The following DPYSL5 variants were observed in gnomAD, a reference collection of about 807,000 sequenced individuals.
The protein encoded by DPYSL5 is dihydropyrimidinase like 5.
In DPYSL5, 9 loss-of-function variants were observed where a neutral mutation model predicts 58.4. That is an observed-to-expected ratio of 0.15 (90% CI 0.09 to 0.27). DPYSL5 has a LOEUF of 0.27. Among genes scored for constraint, DPYSL5 ranks in the 10% least tolerant of loss-of-function variants. The pLI, the probability that DPYSL5 is intolerant of heterozygous loss-of-function variation, is 1.00. For synonymous variants in DPYSL5, 293 were observed against 301.9 expected (o/e 0.97, Z 0.31); for missense variants, 499 against 770.6 (o/e 0.65, Z 4.17).
At chr2:26,870,807 A>G (rs1035996416) in intron 1 of DPYSL5, among the ~76,000 whole-genome samples, 1 of 152,146 alleles carries the variant, frequency 6.6e-6, no homozygotes, top group Non-Finnish European at 1.5e-5. Flanking sequence ...AGGGAAAGTC[A>G]AAACAACAAG....
chr2:26,922,866 G>A (rs1289708685), intron 2 of DPYSL5, among the ~76,000 whole-genome samples: 1 of 152,196 alleles, frequency 6.6e-6, no homozygotes, highest in Non-Finnish European at 1.5e-5. Flanking sequence ...CCCCATCACA[G>A]CTCCTGCAGG....
Position 26,898,357 on chromosome 2 carries a change from C to T in DPYSL5, c.-4-139C>T. The T allele has an allele frequency of 8.2e-7, 1 of 1,214,304 alleles. No individual in the cohort carries two copies. The allele number at this position is 1,214,304 out of a possible 1,614,324, so 75.2% of individuals were successfully genotyped here. On this transcript the variant is annotated intron_variant, in intron 1 of 12. Transcript: ENST00000288699. This position sits in a 1 kb window ranked among gnomAD's most constrained non-coding sequence, Gnocchi z 6.1. ...GGAAGCCAGTGGGAGGCTTGTGACT[C>T]CCGCTGGCTGTAGGGGAAAGTTCCT...
At chr2:26,867,244 T>C (rs1000152359) in intron 1 of DPYSL5, among the ~76,000 whole-genome samples, 4 of 152,204 alleles carry the variant, frequency 2.6e-5, no homozygotes, top group Non-Finnish European at 5.9e-5. Context: ...TGTGTGGGTG[T>C]CCAGGGTACA....
Position 26,898,478 on chromosome 2 carries a change from A to G in DPYSL5, c.-4-18A>G, listed in dbSNP as rs768218579. ...GTGAGAAGGGACTTTGACCTTGACC[A>G]TGCTCACCTTCTTGTAGGAACATGC... On this transcript the variant is annotated intron_variant, in intron 1 of 12. Transcript: ENST00000288699. The surrounding 1 kb of genome is among the most constrained non-coding windows in gnomAD (Gnocchi z 6.1). The G allele has an allele frequency of 1.9e-6, 3 of 1,611,086 alleles. No homozygotes were observed. The African/African-American group carries it at 4.0e-5, about 22-fold the overall frequency.
At chr2:26,904,036 C>G (rs1246868287) in intron 2 of DPYSL5, among the ~76,000 whole-genome samples, 1 of 152,210 alleles carries the variant, frequency 6.6e-6, no homozygotes, top group Non-Finnish European at 1.5e-5. Flanking sequence ...GGGTATCTTA[C>G]AGTCAACCTG....
At chr2:26,880,727 C>T (rs1663539755) in intron 1 of DPYSL5, among the ~76,000 whole-genome samples, 1 of 152,220 alleles carries the variant, frequency 6.6e-6, no homozygotes, top group African/African-American at 2.4e-5. Context: ...TTTGAGAAGA[C>T]TTCTTTCCCA....
chr2:26,932,394 C>T (rs1665057588), intron 6 of DPYSL5, among the ~76,000 whole-genome samples: 1 of 152,200 alleles, frequency 6.6e-6, no homozygotes, highest in Non-Finnish European at 1.5e-5. Flanking sequence ...GCCGAGCCTG[C>T]TGAAGCTCAG....
At chr2:26,911,713 GA>G (rs1664445881) in intron 2 of DPYSL5, among the ~76,000 whole-genome samples, 1 of 152,154 alleles carries the variant, frequency 6.6e-6, no homozygotes, top group Non-Finnish European at 1.5e-5. Flanking sequence ...TCTAACCACT[GA>G]ACCATCGCCC....
chr2:26,889,833 C>T (rs1257394299), intron 1 of DPYSL5, among the ~76,000 whole-genome samples: 1 of 152,188 alleles, frequency 6.6e-6, no homozygotes, highest in Non-Finnish European at 1.5e-5. Context: ...CACATGTGCA[C>T]ACACAGACAG....
chr2:26,852,112 C>G (rs868308178), intron 1 of DPYSL5, among the ~76,000 whole-genome samples: 5 of 152,000 alleles, frequency 3.3e-5, no homozygotes, highest in African/African-American at 1.2e-4. Context: ...TTTTTGTTTT[C>G]TGAGGTATAA....
intron 1 of DPYSL5, among the ~76,000 whole-genome samples, chr2:26,869,584 A>G (rs1046658233): frequency 6.6e-6 from 1 of 152,082 alleles, no homozygotes; most frequent in Non-Finnish European, 1.5e-5. Context: ...AATGTTTTTC[A>G]CTGTTGTGAA....
At position 26,927,890 on chromosome 2, in the gene DPYSL5, C is replaced by A. The variant is rs1440953294; in HGVS notation, c.601-365C>A. The stretch of plus-strand genomic sequence containing the variant: ...TCCTAGGTCTTGGGGTAAGGGCTAG[C>A]CTAGCAGTTGCTGGAAGCTAGAGCT... On this transcript the variant is annotated intron_variant, in intron 4 of 12. Transcript: ENST00000288699. The surrounding 1 kb of genome is among the most constrained non-coding windows in gnomAD (Gnocchi z 4.3). Among the ~76,000 whole-genome samples the A allele has an allele frequency of 6.6e-6, 1 of 152,144 alleles. No individual in the cohort carries two copies. The highest frequency in any genetic ancestry group is 2.4e-5 in the African/African-American group (1 of 41,432).
At position 26,898,377 on chromosome 2, in the gene DPYSL5, G is replaced by C; in HGVS notation, c.-4-119G>C. On this transcript the variant is annotated intron_variant, in intron 1 of 12. Coordinates refer to ENST00000288699, the MANE Select transcript of DPYSL5 (RefSeq NM_020134.4). This position sits in a 1 kb window ranked among gnomAD's most constrained non-coding sequence, Gnocchi z 6.1. ...TGACTCCCGCTGGCTGTAGGGGAAA[G>C]TTCCTCCTCTTCTCTGCTCACTTAC... The C allele has an allele frequency of 7.0e-7, 1 of 1,420,866 alleles. No individual in the cohort carries two copies. The highest frequency in any genetic ancestry group is 1.4e-5 in the African/African-American group (1 of 69,968). The allele number at this position is 1,420,866 out of a possible 1,614,324, so 88.0% of individuals were successfully genotyped here.
At chr2:26,906,314 G>T (rs1019686639) in intron 2 of DPYSL5, among the ~76,000 whole-genome samples, 1 of 151,814 alleles carries the variant, frequency 6.6e-6, no homozygotes, top group East Asian at 1.9e-4. Flanking sequence ...CTCCTGAGTA[G>T]CTGGGAGTAC....
chr2:26,874,516 A>G lies in DPYSL5; in HGVS notation c.-4-23980A>G, dbSNP rs1446156704. ...ACCTTGGTACGTTTGTCAAAAATCA[A>G]ATGATCATATATATATGTAGGTCTA... On this transcript the variant is annotated intron_variant, in intron 1 of 12. Coordinates refer to ENST00000288699, the MANE Select transcript of DPYSL5 (RefSeq NM_020134.4). Among the ~76,000 whole-genome samples the G allele has an allele frequency of 2.0e-5, 3 of 152,224 alleles. No homozygotes were observed. The East Asian group carries it at 5.8e-4, about 29-fold the overall frequency.
chr2:26,911,010 G>T (rs528021747), intron 2 of DPYSL5, among the ~76,000 whole-genome samples: 2 of 147,968 alleles, frequency 1.4e-5, no homozygotes, highest in Non-Finnish European at 3.0e-5. Flanking sequence ...TGTAATTTTA[G>T]CTTTTACAGT....
At position 26,942,472 on chromosome 2, in the gene DPYSL5, C is replaced by T. The variant is rs1249037096; in HGVS notation, c.1233-71C>T. The T allele has an allele frequency of 2.0e-6, 3 of 1,515,342 alleles. No individual in the cohort carries two copies. The highest frequency in any genetic ancestry group is 2.7e-6 in the Non-Finnish European group (3 of 1,114,758). The allele number at this position is 1,515,342 out of a possible 1,614,324, so 93.9% of individuals were successfully genotyped here. A position where few individuals can be genotyped will look rare whatever the true frequency, so the allele number is the denominator to read the frequency against. On this transcript the variant is annotated intron_variant, in intron 10 of 12. Coordinates refer to ENST00000288699, the MANE Select transcript of DPYSL5 (RefSeq NM_020134.4). This position sits in a 1 kb window ranked among gnomAD's most constrained non-coding sequence, Gnocchi z 5.9. ...CATAACAACCAGCCTTTGGGGCTCA[C>T]CCCTCCCATGGAGCTGTGACATTTT...
intron 1 of DPYSL5, among the ~76,000 whole-genome samples, chr2:26,867,311 A>G (rs1444871049): frequency 6.6e-6 from 1 of 152,202 alleles, no homozygotes; most frequent in Non-Finnish European, 1.5e-5. Context: ...CCTTATCACT[A>G]ATCTTGGAAG....
intron 5 of DPYSL5, among the ~76,000 whole-genome samples, chr2:26,929,597 T>C (rs756347125): frequency 6.6e-5 from 10 of 152,234 alleles, no homozygotes; most frequent in Non-Finnish European, 1.3e-4. Flanking sequence ...GCCCCATCCC[T>C]GTCCTGGTCT....
Sources: gnomAD v4.1 joint callset for allele counts (sites outside exome capture counted in the v4.1 genomes callset) on GRCh38, gnomAD v4.1.1 for gene constraint, Gnocchi (gnomAD v3.1) non-coding constraint, MANE v1.5 for transcripts, NCBI Gene and HGNC (gene_info 2026-07-23, HGNC 2026-07-21) for gene names.